Variants in CDH13 observed in about 807,000 individuals in gnomAD.
CDH13 encodes cadherin 13.
In CDH13, 24 loss-of-function variants were observed where a neutral mutation model predicts 63.8. The ratio of observed to expected loss-of-function variants is 0.38; its 90% CI spans 0.27 to 0.53. The LOEUF (loss-of-function observed/expected upper bound fraction) is 0.53, where lower values mean the gene tolerates loss of function less well. Among genes scored for constraint, CDH13 ranks in the 20% least tolerant of loss-of-function variants. The pLI, the probability that CDH13 is intolerant of heterozygous loss-of-function variation, is 0.85. For missense variants in CDH13, 1,049 were observed against 903.1 expected, an observed-to-expected ratio of 1.16 and a Z score of -2.07; for synonymous variants, 503 against 355.3, an observed-to-expected ratio of 1.42 and a Z score of -4.67.
intron 5 of CDH13, among the ~76,000 whole-genome samples, chr16:83,282,000 C>T (rs1355699293): frequency 6.6e-6 from 1 of 152,108 alleles, no homozygotes; most frequent in Non-Finnish European, 1.5e-5. Flanking sequence ...CTTCTTTTCA[C>T]TTGAACACTT....
At chr16:83,569,527 A>C (rs1486299073) in intron 7 of CDH13, among the ~76,000 whole-genome samples, 2 of 152,156 alleles carry the variant, frequency 1.3e-5, no homozygotes, top group Non-Finnish European at 2.9e-5. Flanking sequence ...ATCTAGTAAA[A>C]ATACATTTTT....
At chr16:82,758,171 A>G (rs905953664) in intron 1 of CDH13, among the ~76,000 whole-genome samples, 2 of 152,130 alleles carry the variant, frequency 1.3e-5, no homozygotes, top group African/African-American at 4.8e-5. Flanking sequence ...AAATTGAGGA[A>G]TGGGCAATAC....
At chr16:82,984,301 G>C (rs1419791154) in intron 2 of CDH13, among the ~76,000 whole-genome samples, 2 of 152,178 alleles carry the variant, frequency 1.3e-5, no homozygotes, top group African/African-American at 4.8e-5. Context: ...GTATCATTCA[G>C]CTATGTCTTC....
intron 11 of CDH13, among the ~76,000 whole-genome samples, chr16:83,748,999 G>T (rs1215461801): frequency 6.6e-6 from 1 of 152,202 alleles, no homozygotes; most frequent in African/African-American, 2.4e-5. Context: ...ATGAGAAAAA[G>T]AGAGTTCCTA....
chr16:82,682,263 C>A (rs139196645), intron 1 of CDH13, among the ~76,000 whole-genome samples: 2 of 152,096 alleles, frequency 1.3e-5, no homozygotes, highest in Non-Finnish European at 2.9e-5. Context: ...CAGGCCCCAC[C>A]CATCAACATG....
intron 3 of CDH13, among the ~76,000 whole-genome samples, chr16:83,058,972 A>G (rs927196939): frequency 6.6e-6 from 1 of 152,128 alleles, no homozygotes; most frequent in Non-Finnish European, 1.5e-5. Flanking sequence ...TCATTCAAAG[A>G]TGGATGTCCC....
chr16:83,435,355 A>G (rs571206142), intron 6 of CDH13, among the ~76,000 whole-genome samples: 2 of 152,214 alleles, frequency 1.3e-5, no homozygotes, highest in South Asian at 4.2e-4. Context: ...CCTATTTGAC[A>G]TATTTTTAAC....
chr16:83,276,323 A>T (rs541954857), intron 5 of CDH13, among the ~76,000 whole-genome samples: 1 of 152,044 alleles, frequency 6.6e-6, no homozygotes, highest in Non-Finnish European at 1.5e-5. Flanking sequence ...CCCTCATTGA[A>T]TAAGTTGAGG....
intron 2 of CDH13, among the ~76,000 whole-genome samples, chr16:83,002,081 G>A (rs1056322073): frequency 6.6e-6 from 1 of 152,218 alleles, no homozygotes; most frequent in Admixed American, 6.5e-5. Flanking sequence ...AGATACAACA[G>A]TGGATATGAT....
chr16:83,646,604 G>A (rs997843009), intron 8 of CDH13, among the ~76,000 whole-genome samples: 5 of 148,994 alleles, frequency 3.4e-5, no homozygotes, highest in African/African-American at 1.2e-4. Context: ...CAGAGGCTGA[G>A]GCAGGAGAAT....
intron 1 of CDH13, among the ~76,000 whole-genome samples, chr16:82,681,546 A>T (rs913273050): frequency 2.6e-5 from 4 of 152,256 alleles, no homozygotes; most frequent in African/African-American, 9.6e-5. Flanking sequence ...TTCTCTCATA[A>T]TGTTTGTTTG....
intron 10 of CDH13, among the ~76,000 whole-genome samples, chr16:83,685,338 T>A (rs935951116): frequency 2.0e-5 from 3 of 152,192 alleles, no homozygotes; most frequent in African/African-American, 7.2e-5. Context: ...AAATGGAACC[T>A]TTCTGCTTAA....
Position 82,714,219 on chromosome 16 carries a change from T to A in CDH13, c.45+87082T>A, listed in dbSNP as rs555206240. 2.4e-4 allele frequency among the ~76,000 whole-genome samples: 37 copies of A among 152,288 alleles called. No homozygotes were observed. The South Asian group carries it at 3.5e-3, about 15-fold the overall frequency. On this transcript the variant is annotated intron_variant, in intron 1 of 13. Transcript: ENST00000567109. ...GATGCCTCTGACTCCACTTAAGCCC[T>A]CTTCCCCAGGGCTGAACCAACATAC...
At chr16:83,082,812 C>T (rs1360537407) in intron 3 of CDH13, among the ~76,000 whole-genome samples, 1 of 152,188 alleles carries the variant, frequency 6.6e-6, no homozygotes, top group Non-Finnish European at 1.5e-5. Flanking sequence ...GAAAAAGTCC[C>T]TCAAGCACAG....
chr16:83,097,486 C>A (rs1474616988), intron 3 of CDH13, among the ~76,000 whole-genome samples: 2 of 152,148 alleles, frequency 1.3e-5, no homozygotes, highest in Non-Finnish European at 2.9e-5. Context: ...ATGAACCATG[C>A]ATAATTGCAG....
chr16:82,949,527 C>A, intron 2 of CDH13, among the ~76,000 whole-genome samples: 1 of 152,170 alleles, frequency 6.6e-6, no homozygotes, highest in East Asian at 1.9e-4. Flanking sequence ...TGGGGATCTC[C>A]TGACAGTTCT....
At chr16:83,081,627 G>C (rs2033256841) in intron 3 of CDH13, among the ~76,000 whole-genome samples, 1 of 151,980 alleles carries the variant, frequency 6.6e-6, no homozygotes, top group South Asian at 2.1e-4. Context: ...TAGGGTTTTT[G>C]GGGAGACCTG....
chr16:83,201,701 T>C (rs1451943598), intron 4 of CDH13, among the ~76,000 whole-genome samples: 1 of 149,424 alleles, frequency 6.7e-6, no homozygotes, highest in Admixed American at 6.7e-5. Flanking sequence ...ATCGAGACCA[T>C]CCCGGCTAAC....
chr16:83,767,407 T>C (rs986775318), intron 11 of CDH13, among the ~76,000 whole-genome samples: 2 of 152,186 alleles, frequency 1.3e-5, no homozygotes, highest in African/African-American at 4.8e-5. Flanking sequence ...CTGCATGAGC[T>C]CCCTTGCTTG....
Sources: gnomAD v4.1 joint callset for allele counts (sites outside exome capture counted in the v4.1 genomes callset) on GRCh38, gnomAD v4.1.1 for gene constraint, MANE v1.5 for transcripts, NCBI Gene and HGNC (gene_info 2026-07-23, HGNC 2026-07-21) for gene names.